NUDCD3: variants seen among roughly 807,000 people sequenced by gnomAD.
The protein encoded by NUDCD3 is NudC domain containing 3.
Under a neutral mutation model 39.7 loss-of-function variants are expected in NUDCD3, and 13 were observed. The ratio of observed to expected loss-of-function variants is 0.33; its 90% CI spans 0.21 to 0.52. The LOEUF is 0.52. Among genes scored for constraint, NUDCD3 ranks in the 20% least tolerant of loss-of-function variants. The probability of loss-of-function intolerance (pLI) is 0.96; values close to 1 mark genes in which losing one functional copy is unlikely to be tolerated. For synonymous variants in NUDCD3, 175 were observed against 172.4 expected (o/e 1.02, Z -0.12); for missense variants, 453 against 458.1 (o/e 0.99, Z 0.10).
intron 2 of NUDCD3, among the ~76,000 whole-genome samples, chr7:44,471,361 TG>T (rs776610957): frequency 2.0e-5 from 3 of 152,378 alleles, no homozygotes; most frequent in Admixed American, 6.5e-5. Flanking sequence ...TTATTTTTTA[TG>T]GTTTTGGCTT....
chr7:44,398,520 G>A (rs1431543041), intron 4 of NUDCD3, among the ~76,000 whole-genome samples: 6 of 152,080 alleles, frequency 3.9e-5, no homozygotes, highest in Non-Finnish European at 5.9e-5. Context: ...CCATTTCTGA[G>A]GGACCCCAGA....
intron 3 of NUDCD3, 119 bp downstream of exon 3, chr7:44,427,452 C>G (rs1046019906): frequency 6.3e-6 from 7 of 1,117,536 alleles, no homozygotes; most frequent in Admixed American, 4.7e-5. Flanking sequence ...GGAGAAGGAA[C>G]ACACCTCACA....
chr7:44,487,958 TAA>T (rs958231076), intron 1 of NUDCD3, among the ~76,000 whole-genome samples: 1 of 142,570 alleles, frequency 7.0e-6, no homozygotes, highest in Non-Finnish European at 1.5e-5. Flanking sequence ...ATCTCAAAAA[TAA>T]AAAATAAAAA....
Position 44,392,325 on chromosome 7 carries a change from A to C in NUDCD3, c.947T>G (p.Leu316Arg). 6.2e-7 allele frequency: 1 copy of C among 1,614,000 alleles called. No individual in the cohort carries two copies. Among genetic ancestry groups the C allele is most frequent in the East Asian group, 2.2e-5 (1 of 44,890 alleles). The change falls in exon 5 of 6, where the codon CTG (leucine) becomes CGG (arginine). Residue 316 changes from leucine to arginine, a missense_variant. Coordinates refer to ENST00000355451, the MANE Select transcript of NUDCD3 (RefSeq NM_015332.4). ...DRLTFDYHQK[L>R]QGKPQSHELK... ...CTCATGGCTCTGTGGCTTGCCCTGC[A>C]GCTTCTGGTGGTAGTCAAAGGTAAG...
chr7:44,476,112 G>C (rs1800363594), intron 2 of NUDCD3, among the ~76,000 whole-genome samples: 1 of 152,006 alleles, frequency 6.6e-6, no homozygotes, highest in Admixed American at 6.5e-5. Flanking sequence ...TCCTGCAATG[G>C]GCACCTGAAA....
Position 44,404,292 on chromosome 7 carries a change from T to C in NUDCD3, c.786+148A>G, listed in dbSNP as rs576976344. ...CCACAGAGACGATCTCTGAGCAGTATGGAAAATGCTCAGGAAAACCCATCT... is the reference window on the plus strand; with the variant it reads ...CCACAGAGACGATCTCTGAGCAGTACGGAAAATGCTCAGGAAAACCCATCT... On this transcript the variant is annotated intron_variant, in intron 4 of 5. Transcript: ENST00000355451. The C allele has an allele frequency of 3.9e-4, 293 of 750,642 alleles. 1 individual carries two copies. The African/African-American group carries it at 4.5e-3, about 12-fold the overall frequency. The allele number at this position is 750,642 out of a possible 1,614,324, so 46.5% of individuals were successfully genotyped here. A position where few individuals can be genotyped will look rare whatever the true frequency, so the allele number is the denominator to read the frequency against.
At chr7:44,427,834 T>G in intron 2 of NUDCD3, 131 bp from the exon 3 acceptor site, 7 of 855,142 alleles carry the variant, frequency 8.2e-6, no homozygotes, top group Non-Finnish European at 1.2e-5. Context: ...GTTCACTGGC[T>G]CTGGCATCTG....
At chr7:44,487,515 C>T (rs1800636629) in intron 1 of NUDCD3, among the ~76,000 whole-genome samples, 3 of 151,376 alleles carry the variant, frequency 2.0e-5, no homozygotes, top group Non-Finnish European at 4.4e-5. Flanking sequence ...GTCAGGAGAT[C>T]ACCTACTACC....
rs1363132397 is a variant in NUDCD3 at position 44,381,493 on chromosome 7, T to C, written c.*4518A>G. 2 of 152,152 alleles carry C rather than the reference T, an allele frequency of 1.3e-5. No individual in the cohort carries two copies. Among genetic ancestry groups the C allele is most frequent in the Non-Finnish European group, 2.9e-5 (2 of 68,104 alleles). The allele number at this position is 152,152 out of a possible 1,614,324, so 9.4% of individuals were successfully genotyped here. On this transcript the variant is annotated 3_prime_UTR_variant, in exon 6 of 6. Transcript: ENST00000355451. ...GGATCCTGGACCTGGGCCCCCCGAG[T>C]CACCAGCCACATGGCCTTGGGAGTG... is the stretch of plus-strand genomic sequence containing the variant.
Position 44,485,023 on chromosome 7 carries a change from G to A in NUDCD3, c.454C>T (p.Pro152Ser). 1.2e-6 allele frequency: 2 copies of A among 1,614,180 alleles called. No individual in the cohort carries two copies. Among genetic ancestry groups the A allele is most frequent in the Non-Finnish European group, 1.7e-6 (2 of 1,180,034 alleles). The change falls in exon 2 of 6, where the codon CCA (proline) becomes TCA (serine). Residue 152 changes from proline to serine, a missense_variant. Pro to Ser is a moderately conservative substitution (Grantham distance 74). Transcript: ENST00000355451. ...MAHGSQEAEA[P>S]GAVAGAAEVP... The stretch of plus-strand genomic sequence containing the variant: ...TCAGCAGCACCAGCAACTGCTCCTG[G>A]AGCTTCTGCCTCCTGTGAACCATGG...
chr7:44,391,450 C>T (rs1328335660), intron 5 of NUDCD3, among the ~76,000 whole-genome samples: 3 of 152,178 alleles, frequency 2.0e-5, no homozygotes, highest in East Asian at 1.9e-4. Flanking sequence ...AATCCAGATA[C>T]ACCACAAGGT....
chr7:44,387,087 G>A (rs548175429), intron 5 of NUDCD3, among the ~76,000 whole-genome samples: 1 of 152,198 alleles, frequency 6.6e-6, no homozygotes, highest in African/African-American at 2.4e-5. Flanking sequence ...CCCAGAAAAC[G>A]AGGCTGTGGG....
At chr7:44,442,880 T>C (rs1799617259) in intron 2 of NUDCD3, among the ~76,000 whole-genome samples, 2 of 151,982 alleles carry the variant, frequency 1.3e-5, no homozygotes, top group Non-Finnish European at 1.5e-5. Flanking sequence ...TTCTTTCTAT[T>C]TTTAGTAGAG....
In NUDCD3 at chr7:44,441,674, G is replaced by A. The variant is rs141951836; in HGVS notation, c.510-13971C>T. Among the ~76,000 whole-genome samples the A allele has an allele frequency of 2.9e-3, 435 of 152,184 alleles. 3 individuals are homozygous for A. The highest frequency in any genetic ancestry group is 9.9e-3 in the African/African-American group (411 of 41,504). On this transcript the variant is annotated intron_variant, in intron 2 of 5. Coordinates refer to ENST00000355451, the MANE Select transcript of NUDCD3 (RefSeq NM_015332.4). Reference sequence around the variant, plus strand: ...CATAGCTAGCCCACACATCAGAGCCGGCCCCACCTGCCACTCAAAGAGTAC... The same window carrying A: ...CATAGCTAGCCCACACATCAGAGCCAGCCCCACCTGCCACTCAAAGAGTAC...
intron 3 of NUDCD3, among the ~76,000 whole-genome samples, chr7:44,421,882 T>C (rs1409320505): frequency 6.6e-6 from 1 of 152,170 alleles, no homozygotes; most frequent in Non-Finnish European, 1.5e-5. Context: ...GACCACACAA[T>C]TGGAAGTAAA....
chr7:44,476,800 G>T (rs1179193919), intron 2 of NUDCD3, among the ~76,000 whole-genome samples: 1 of 152,210 alleles, frequency 6.6e-6, no homozygotes, highest in Non-Finnish European at 1.5e-5. Flanking sequence ...GGCACAGCCA[G>T]CCATAAAGGA....
intron 2 of NUDCD3, among the ~76,000 whole-genome samples, chr7:44,480,933 C>T (rs926515153): frequency 4.8e-5 from 5 of 105,128 alleles, no homozygotes; most frequent in African/African-American, 2.0e-4. Flanking sequence ...CAGAGCAAGA[C>T]CCAGTATCAA....
rs538395408 is a variant in NUDCD3 at position 44,388,066 on chromosome 7, G to C, written c.976-1945C>G. 5.3e-5 allele frequency among the ~76,000 whole-genome samples: 8 copies of C among 152,310 alleles called. No homozygotes were observed. In the East Asian group the frequency reaches 1.5e-3, roughly 29 times the overall value. On this transcript the variant is annotated intron_variant, in intron 5 of 5. Coordinates refer to ENST00000355451, the MANE Select transcript of NUDCD3 (RefSeq NM_015332.4). ...TTAAATTTGTTGACTTTGGAAAAAG[G>C]TTAGTGACACCAAAGAATTTAAAAC... is the stretch of plus-strand genomic sequence containing the variant.
intron 2 of NUDCD3, among the ~76,000 whole-genome samples, chr7:44,450,269 C>T (rs904095213): frequency 2.0e-5 from 3 of 151,832 alleles, no homozygotes; most frequent in Admixed American, 6.6e-5. Flanking sequence ...CCTCTACCTC[C>T]TGGGGTCAAG....
Sources: allele counts gnomAD v4.1 joint callset (sites outside exome capture counted in the v4.1 genomes callset), GRCh38; gene constraint gnomAD v4.1.1; transcripts MANE v1.5; gene names NCBI Gene and HGNC (gene_info 2026-07-23, HGNC 2026-07-21).